The following RIMS2 variants were observed in gnomAD, a reference collection of about 807,000 sequenced individuals.
RIMS2 encodes regulating synaptic membrane exocytosis 2.
In RIMS2, 59 loss-of-function variants were observed where a neutral mutation model predicts 174.4. The ratio of observed to expected loss-of-function variants is 0.34; its 90% CI spans 0.27 to 0.42. The LOEUF (loss-of-function observed/expected upper bound fraction) is 0.42. Ranked by LOEUF, RIMS2 falls within the 10% of genes least tolerant of loss-of-function variation. The pLI, the probability that RIMS2 is intolerant of heterozygous loss-of-function variation, is 1.00. For missense variants in RIMS2, 1,620 were observed against 1,666.3 expected (o/e 0.97, Z 0.48); for synonymous variants, 606 against 572.5 (o/e 1.06, Z -0.84).
intron 1 of RIMS2, among the ~76,000 whole-genome samples, chr8:103,665,922 C>T (rs2096662794): frequency 6.6e-6 from 1 of 152,146 alleles, no homozygotes; most frequent in Admixed American, 6.6e-5. Context: ...ACAACTAATG[C>T]CTCTTTTCCT....
chr8:104,247,276 A>G (rs2099339775), intron 20 of RIMS2, among the ~76,000 whole-genome samples: 1 of 152,226 alleles, frequency 6.6e-6, no homozygotes, highest in South Asian at 2.1e-4. Flanking sequence ...CTCACAGATC[A>G]GTAGGCTAGA....
intron 6 of RIMS2, among the ~76,000 whole-genome samples, chr8:103,912,470 T>C (rs2075860998): frequency 6.6e-6 from 1 of 152,192 alleles, no homozygotes; most frequent in Non-Finnish European, 1.5e-5. Flanking sequence ...TTATACAGTT[T>C]ATTCTTTAAG....
intron 1 of RIMS2, among the ~76,000 whole-genome samples, chr8:103,600,197 C>T (rs2133710471): frequency 6.6e-6 from 1 of 152,230 alleles, no homozygotes; most frequent in East Asian, 1.9e-4. Flanking sequence ...CATGTTGTTG[C>T]AGATGACAGA....
intron 4 of RIMS2, among the ~76,000 whole-genome samples, chr8:103,887,682 CAAGA>C (rs1024802319): frequency 2.1e-4 from 32 of 151,490 alleles, no homozygotes; most frequent in African/African-American, 7.2e-4. Flanking sequence ...TAAGGGAATT[CAAGA>C]AAGGAGCTAG....
At chr8:103,658,798 TAG>T (rs767378321) in intron 1 of RIMS2, among the ~76,000 whole-genome samples, 1 of 151,654 alleles carries the variant, frequency 6.6e-6, no homozygotes, top group Non-Finnish European at 1.5e-5. Context: ...TCTCAGGTCA[TAG>T]AGAGTTGCTT....
Position 104,195,992 on chromosome 8 carries a change from GAGA to G in RIMS2, c.3335-48920_3335-48918del, listed in dbSNP as rs539154188. Reference sequence around the variant, plus strand: ...TAAAATGCTTAGCTCTTTAAATATTGAGAAGATTTCTTTTTCTTAAGGAATCAA... The same window carrying G: ...TAAAATGCTTAGCTCTTTAAATATTGAGATTTCTTTTTCTTAAGGAATCAA... On this transcript the variant is annotated intron_variant, in intron 19 of 23. Coordinates refer to ENST00000504942, the Ensembl canonical transcript of RIMS2. 3.8e-4 allele frequency among the ~76,000 whole-genome samples: 58 copies of G among 152,204 alleles called. No homozygotes were observed. The East Asian group carries it at 7.1e-3, about 19-fold the overall frequency.
intron 1 of RIMS2, among the ~76,000 whole-genome samples, chr8:103,629,833 G>C (rs899356403): frequency 2.0e-5 from 3 of 151,344 alleles, no homozygotes; most frequent in African/African-American, 7.3e-5. Flanking sequence ...TGAAACCTGA[G>C]TAATACCAAT....
At chr8:103,540,474 CCACT>C (rs1231344517) in intron 1 of RIMS2, among the ~76,000 whole-genome samples, 2 of 152,182 alleles carry the variant, frequency 1.3e-5, no homozygotes, top group Non-Finnish European at 2.9e-5. Flanking sequence ...CATCTGTACT[CCACT>C]CATGTAAGCA....
intron 4 of RIMS2, among the ~76,000 whole-genome samples, chr8:103,895,417 T>C (rs2099272105): frequency 6.6e-6 from 1 of 151,516 alleles, no homozygotes; most frequent in African/African-American, 2.4e-5. Context: ...AAGTTGCAAA[T>C]AGCTCTTTTT....
At chr8:103,979,269 A>G (rs1459387365) in intron 16 of RIMS2, among the ~76,000 whole-genome samples, 3 of 152,228 alleles carry the variant, frequency 2.0e-5, no homozygotes, top group Non-Finnish European at 2.9e-5. Flanking sequence ...ATGATGAAAT[A>G]GGATATTACC....
intron 19 of RIMS2, among the ~76,000 whole-genome samples, chr8:104,081,982 C>A (rs1016285163): frequency 6.6e-6 from 1 of 150,846 alleles, no homozygotes; most frequent in Admixed American, 6.6e-5. Flanking sequence ...ATTTTTTTTT[C>A]AATTTCAGTG....
At chr8:103,862,855 G>C (rs542270643) in intron 3 of RIMS2, among the ~76,000 whole-genome samples, 24 of 151,838 alleles carry the variant, frequency 1.6e-4, no homozygotes, top group African/African-American at 5.5e-4. Context: ...TATTTATTAA[G>C]TCTAGGAATC....
At chr8:103,713,202 A>G (rs539849185) in intron 2 of RIMS2, among the ~76,000 whole-genome samples, 2 of 152,274 alleles carry the variant, frequency 1.3e-5, no homozygotes, top group South Asian at 2.1e-4. Flanking sequence ...TATATTTAGT[A>G]CAGACAAGGT....
At chr8:104,033,490 A>G (rs912013872) in intron 19 of RIMS2, among the ~76,000 whole-genome samples, 2 of 152,062 alleles carry the variant, frequency 1.3e-5, no homozygotes, top group African/African-American at 4.8e-5. Flanking sequence ...TTAAAACACA[A>G]AACAATGCAA....
In RIMS2 at chr8:104,238,058, G is replaced by A. The variant is rs549045728; in HGVS notation, c.3335-6858G>A. Among the ~76,000 whole-genome samples the A allele has an allele frequency of 1.5e-3, 229 of 151,702 alleles. 2 individuals carry two copies. The highest frequency in any genetic ancestry group is 4.9e-3 in the African/African-American group (204 of 41,238). On this transcript the variant is annotated intron_variant, in intron 19 of 23. Transcript: ENST00000504942. ...ATACTTGGAACTAACCCAAATGCCC[G>A]TCAATGATAGACTGGATAAAGAAAA...
intron 2 of RIMS2, among the ~76,000 whole-genome samples, chr8:103,732,026 T>A (rs2097603571): frequency 6.6e-6 from 1 of 152,186 alleles, no homozygotes; most frequent in Non-Finnish European, 1.5e-5. Flanking sequence ...AAGAGTTAGG[T>A]ATTTATTATA....
At chr8:103,722,427 G>A (rs1289956077) in intron 2 of RIMS2, among the ~76,000 whole-genome samples, 1 of 152,032 alleles carries the variant, frequency 6.6e-6, no homozygotes, top group Non-Finnish European at 1.5e-5. Flanking sequence ...CAACTAGATG[G>A]TTCCATCTGG....
intron 14 of RIMS2, among the ~76,000 whole-genome samples, chr8:103,960,302 T>G (rs1040928681): frequency 6.6e-6 from 1 of 152,228 alleles, no homozygotes; most frequent in Non-Finnish European, 1.5e-5. Flanking sequence ...CACAGTAAGA[T>G]TCACATTTAA....
chr8:104,217,455 G>C (rs2099135819), intron 19 of RIMS2, among the ~76,000 whole-genome samples: 1 of 152,050 alleles, frequency 6.6e-6, no homozygotes, highest in Non-Finnish European at 1.5e-5. Flanking sequence ...TTTTTGTAGA[G>C]ATAAGGTTTC....
Sources: allele counts gnomAD v4.1 joint callset (sites outside exome capture counted in the v4.1 genomes callset), GRCh38; gene constraint gnomAD v4.1.1; transcripts MANE v1.5; gene names NCBI Gene and HGNC (gene_info 2026-07-23, HGNC 2026-07-21).